The following TMC7 variants were observed in gnomAD, a reference collection of about 807,000 sequenced individuals.
The protein encoded by TMC7 is transmembrane channel-like protein 7.
In TMC7, 54 loss-of-function variants were observed where a neutral mutation model predicts 82.9. That is an observed-to-expected ratio of 0.65 (90% CI 0.52 to 0.82). The LOEUF (loss-of-function observed/expected upper bound fraction) is 0.82. TMC7 is among the 40% of genes least tolerant of loss of function. TMC7 has a pLI of 0.00. For missense variants in TMC7, 820 were observed against 901.2 expected, an observed-to-expected ratio of 0.91 and a Z score of 1.15; for synonymous variants, 350 against 337.9, an observed-to-expected ratio of 1.04 and a Z score of -0.39.
intron 12 of TMC7, among the ~76,000 whole-genome samples, chr16:19,051,181 A>G (rs1330057826): frequency 6.6e-6 from 1 of 150,994 alleles, no homozygotes; most frequent in African/African-American, 2.4e-5. Context: ...TGAATTCTCC[A>G]AAGTTTGGAG....
chr16:19,034,512 C>T (rs1234544227), intron 6 of TMC7, among the ~76,000 whole-genome samples: 2 of 150,970 alleles, frequency 1.3e-5, no homozygotes, highest in African/African-American at 2.5e-5. Flanking sequence ...GCAGGAGAAT[C>T]GCTTGAACCC....
At chr16:19,046,093 G>A (rs1483195200) in intron 11 of TMC7, among the ~76,000 whole-genome samples, 5 of 152,190 alleles carry the variant, frequency 3.3e-5, no homozygotes, top group South Asian at 2.1e-4. Flanking sequence ...CCCATCTAAA[G>A]GCAGCATGAA....
intron 9 of TMC7, among the ~76,000 whole-genome samples, chr16:19,043,083 A>G (rs1961096968): frequency 6.6e-6 from 1 of 151,422 alleles, no homozygotes; most frequent in South Asian, 2.1e-4. Context: ...AAACAATGGA[A>G]AATTGTCTTA....
Position 18,998,738 on chromosome 16 carries a change from A to C in TMC7, c.68-10434A>C, listed in dbSNP as rs183812623. 1.9e-3 allele frequency among the ~76,000 whole-genome samples: 254 copies of C among 134,708 alleles called. 2 individuals carry two copies. Among genetic ancestry groups the C allele is most frequent in the Admixed American group, 3.8e-3 (48 of 12,510 alleles). The allele number at this position is 134,708 out of a possible 152,430, so 88.4% of individuals were successfully genotyped here. A position where few individuals can be genotyped will look rare whatever the true frequency, so the allele number is the denominator to read the frequency against. On this transcript the variant is annotated intron_variant, in intron 1 of 15. Transcript: ENST00000304381. ...CACTGCACTCCAGCCTGGGTGACAG[A>C]GTGAGACTCTGTCTCAAAAAAAAAA...
intron 15 of TMC7, chr16:19,059,712 A>G: frequency 6.6e-7 from 1 of 1,520,836 alleles, no homozygotes; most frequent in Non-Finnish European, 8.8e-7. Context: ...GTGGTGGCTC[A>G]TGCCTGTAAT....
intron 7 of TMC7, among the ~76,000 whole-genome samples, chr16:19,037,484 T>C (rs926896451): frequency 2.0e-5 from 3 of 151,140 alleles, no homozygotes; most frequent in African/African-American, 7.3e-5. Context: ...TTTTTTTTTT[T>C]TTCTGAGATA....
rs1173674216 is a variant in TMC7 at position 19,051,738 on chromosome 16, A to G, written c.1793A>G (p.Asn598Ser). 30 of 1,613,824 alleles carry G rather than the reference A, an allele frequency of 1.9e-5. No homozygotes were observed. The highest frequency in any genetic ancestry group is 2.7e-5 in the African/African-American group (2 of 74,838). ...TCCCCCAGGCCGTTCAGAGCATCCA[A>G]TTCTAATTTCTTCTTCCTGTTGGTG... ...RPSPRPFRAS[N>S]SNFFFLLVLL... Residue 598 changes from asparagine (N) to serine (S), a missense_variant, in exon 13 of 16, where the codon AAT becomes AGT. Asn to Ser is a conservative substitution (Grantham distance 46, BLOSUM62 1). Transcript: ENST00000304381.
At position 19,030,374 on chromosome 16, in the gene TMC7, A is replaced by T. The variant is rs547040980; in HGVS notation, c.857+5A>T. On this transcript the variant is annotated splice_donor_5th_base_variant and intron_variant, in intron 6 of 15. Transcript: ENST00000304381. Reference sequence around the variant, plus strand: ...CCTTCTTTGGATAGTGAAAAGGTAAAGTCTGCCTTTGCATTCTCTCTGAAT... The same window carrying T: ...CCTTCTTTGGATAGTGAAAAGGTAATGTCTGCCTTTGCATTCTCTCTGAAT... 2 of 1,606,714 alleles carry T rather than the reference A, an allele frequency of 1.2e-6. No homozygotes were observed. The highest frequency in any genetic ancestry group is 2.2e-5 in the South Asian group (2 of 89,724).
chr16:19,043,112 A>G (rs1477779889), intron 9 of TMC7, among the ~76,000 whole-genome samples: 1 of 151,982 alleles, frequency 6.6e-6, no homozygotes, highest in African/African-American at 2.4e-5. Flanking sequence ...AACAAGAACA[A>G]AAACTCACCG....
At position 18,987,628 on chromosome 16, in the gene TMC7, T is replaced by TG. The variant is rs566114249; in HGVS notation, c.67+3500dup. ...GCTGGTAGCAGTCTTTCCTAGAATG[T>TG]GGATGCCTTGGAAAACAGGGGCTTT... On this transcript the variant is annotated intron_variant, in intron 1 of 15. Coordinates refer to ENST00000304381, the MANE Select transcript of TMC7 (RefSeq NM_024847.4). Among the ~76,000 whole-genome samples the TG allele has an allele frequency of 6.6e-5, 10 of 152,268 alleles. No homozygotes were observed. The South Asian group carries it at 1.9e-3, about 28-fold the overall frequency.
rs1167707317 is a variant in TMC7 at position 19,009,325 on chromosome 16, G to C, written c.221G>C (p.Ser74Thr). 1.2e-6 allele frequency: 2 copies of C among 1,614,176 alleles called. No homozygotes were observed. Among genetic ancestry groups the C allele is most frequent in the Non-Finnish European group, 1.7e-6 (2 of 1,180,036 alleles). The change falls in exon 2 of 16, where the codon AGC (serine) becomes ACC (threonine). Residue 74 changes from serine to threonine, a missense_variant. Around this residue, in one of 2 missense-constraint regions of TMC7, gnomAD observed 650 missense variants for 669.9 expected, o/e 0.97. Coordinates refer to ENST00000304381, the MANE Select transcript of TMC7 (RefSeq NM_024847.4). ...TTGCTAAAGCCAACCGACTCTTACA[G>C]CTCCCAGCTGGAGGACAGAATCGCT... ...GTLLKPTDSY[S>T]SQLEDRIAEN...
chr16:19,028,642 T>C (rs961327328), intron 5 of TMC7, among the ~76,000 whole-genome samples: 25 of 151,758 alleles, frequency 1.6e-4, no homozygotes, highest in Non-Finnish European at 3.2e-4. Flanking sequence ...CTTTAGAGCT[T>C]CTTTAATTAT....
At chr16:19,025,849 G>A (rs1960200179) in intron 5 of TMC7, among the ~76,000 whole-genome samples, 1 of 151,402 alleles carries the variant, frequency 6.6e-6, no homozygotes, top group African/African-American at 2.4e-5. Flanking sequence ...CTGCCTCCTA[G>A]GCTTAAGCCA....
chr16:18,987,255 A>G (rs2038868355), intron 1 of TMC7, among the ~76,000 whole-genome samples: 2 of 151,868 alleles, frequency 1.3e-5, no homozygotes. Flanking sequence ...AGCTCTTACC[A>G]CCACCTGAAG....
intron 12 of TMC7, among the ~76,000 whole-genome samples, chr16:19,050,388 A>AC (rs1961480768): frequency 1.3e-5 from 2 of 151,500 alleles, no homozygotes; most frequent in Admixed American, 6.6e-5. Flanking sequence ...AAAAAAAAAA[A>AC]AAAACCAAAA....
At chr16:19,055,428 G>C (rs1311989500) in intron 13 of TMC7, among the ~76,000 whole-genome samples, 2 of 152,104 alleles carry the variant, frequency 1.3e-5, no homozygotes, top group East Asian at 3.9e-4. Flanking sequence ...CCCGATCTCG[G>C]CTCACTGCAA....
intron 13 of TMC7, among the ~76,000 whole-genome samples, chr16:19,055,700 GTCTC>G (rs1596799273): frequency 6.6e-6 from 1 of 152,050 alleles, no homozygotes; most frequent in Admixed American, 6.6e-5. Flanking sequence ...TATCTCCTTA[GTCTC>G]TCTTTTTTTA....
At chr16:19,044,719 G>A (rs1241679860) in intron 9 of TMC7, among the ~76,000 whole-genome samples, 165 bp from the exon 10 acceptor site, 1 of 129,648 alleles carries the variant, frequency 7.7e-6, no homozygotes, top group Non-Finnish European at 1.5e-5. Flanking sequence ...GGAGAACTGA[G>A]ATCACACCAC....
rs148983511 is a variant in TMC7, at chr16:18,999,709, A to C, written c.68-9463A>C. ...CCACTGGCTTTGGAGGGCTTCTTGC[A>C]ATTGATTGACATGTCATAGCAGCTT... is the stretch of plus-strand genomic sequence containing the variant. On this transcript the variant is annotated intron_variant, in intron 1 of 15. Coordinates refer to ENST00000304381, the MANE Select transcript of TMC7 (RefSeq NM_024847.4). Among the ~76,000 whole-genome samples, 34 of 152,300 alleles carry C rather than the reference A, an allele frequency of 2.2e-4. No individual in the cohort carries two copies. The East Asian group carries it at 5.8e-3, about 26-fold the overall frequency.
Sources: allele counts gnomAD v4.1 joint callset (sites outside exome capture counted in the v4.1 genomes callset), GRCh38; gene constraint gnomAD v4.1.1; regional missense constraint gnomAD v4.1.1; transcripts MANE v1.5; gene names NCBI Gene and HGNC (gene_info 2026-07-23, HGNC 2026-07-21).